The following PHACTR4 variants were observed in gnomAD, a reference collection of about 807,000 sequenced individuals.
The protein encoded by PHACTR4 is phosphatase and actin regulator 4, also known as protein phosphatase 1, regulatory subunit 124.
In PHACTR4, 51 loss-of-function variants were observed where a neutral mutation model predicts 72.7. That is an observed-to-expected ratio of 0.70 (90% confidence interval 0.56 to 0.89). The LOEUF (loss-of-function observed/expected upper bound fraction) is 0.89. Among genes scored for constraint, PHACTR4 ranks in the 40% least tolerant of loss-of-function variants. The pLI is 0.00. For synonymous variants in PHACTR4, 255 were observed against 302.5 expected (o/e 0.84, Z 1.63); for missense variants, 731 against 861.8 (o/e 0.85, Z 1.90).
At chr1:28,487,061 C>T (rs114626740) in intron 9 of PHACTR4, among the ~76,000 whole-genome samples, 34 of 151,994 alleles carry the variant, frequency 2.2e-4, no homozygotes, top group African/African-American at 7.0e-4. Flanking sequence ...TACATACATA[C>T]GTACTTTTTA....
intron 2 of PHACTR4, among the ~76,000 whole-genome samples, chr1:28,454,665 C>A (rs2124454414): frequency 6.6e-6 from 1 of 152,232 alleles, no homozygotes; most frequent in South Asian, 2.1e-4. Context: ...ATATGATTAA[C>A]CACCTTGACC....
chr1:28,382,753 T>C (rs4506483), intron 1 of PHACTR4, among the ~76,000 whole-genome samples: 13,264 of 152,154 alleles, frequency 0.087, 1,243 homozygotes, highest in African/African-American at 0.24. Flanking sequence ...CCATTTTCAA[T>C]CTTCTGCATA....
intron 1 of PHACTR4, among the ~76,000 whole-genome samples, chr1:28,399,586 T>G (rs1310677843): frequency 6.6e-6 from 1 of 152,192 alleles, no homozygotes; most frequent in African/African-American, 2.4e-5. Flanking sequence ...AGTGTTCATT[T>G]ATTTATTCAG....
chr1:28,419,583 T>TA (rs1655377431), intron 2 of PHACTR4, among the ~76,000 whole-genome samples: 1 of 151,970 alleles, frequency 6.6e-6, no homozygotes, highest in South Asian at 2.1e-4. Flanking sequence ...GCTGGGACTA[T>TA]AGGTGAGCAG....
chr1:28,397,183 G>A (rs1653578522), intron 1 of PHACTR4, among the ~76,000 whole-genome samples: 1 of 152,046 alleles, frequency 6.6e-6, no homozygotes, highest in East Asian at 1.9e-4. Context: ...GGAGTGAGGT[G>A]AGCTTTAAGA....
At chr1:28,474,458 G>T (rs1251658840) in intron 7 of PHACTR4, among the ~76,000 whole-genome samples, 1 of 143,436 alleles carries the variant, frequency 7.0e-6, no homozygotes, top group African/African-American at 2.6e-5. Flanking sequence ...GGGAGGTGGA[G>T]GTTGCAGTGA....
At chr1:28,424,710 G>A (rs1467555320) in intron 2 of PHACTR4, among the ~76,000 whole-genome samples, 7 of 151,544 alleles carry the variant, frequency 4.6e-5, no homozygotes, top group Admixed American at 3.9e-4. Flanking sequence ...GGATGGTCTC[G>A]ATATCCTGAC....
At chr1:28,386,347 G>A (rs4908416) in intron 1 of PHACTR4, among the ~76,000 whole-genome samples, 42,702 of 151,908 alleles carry the variant, frequency 0.28, 6,145 homozygotes, top group Middle Eastern at 0.34. Flanking sequence ...GCCTGCCTCG[G>A]CCTCCCAAAG....
Position 28,453,941 on chromosome 1 carries a change from C to G in PHACTR4, c.17-5144C>G, listed in dbSNP as rs77820021. On this transcript the variant is annotated intron_variant, in intron 2 of 13. Coordinates refer to ENST00000373839, the MANE Select transcript of PHACTR4 (RefSeq NM_001048183.3). ...AAAGAATACATGGAACACGGCCAGG[C>G]ACGGTGGCACACGCCCGTAATCTTA... The G allele has an allele frequency of 4.6e-3, 2,918 of 641,314 alleles. 19 individuals are homozygous for G. Among genetic ancestry groups the G allele is most frequent in the Non-Finnish European group, 7.3e-3 (2,588 of 354,764 alleles). The allele number at this position is 641,314 out of a possible 1,614,324, so 39.7% of individuals were successfully genotyped here.
intron 7 of PHACTR4, among the ~76,000 whole-genome samples, chr1:28,474,937 A>T (rs1659827819): frequency 6.9e-6 from 1 of 145,906 alleles, no homozygotes; most frequent in Non-Finnish European, 1.5e-5. Context: ...TTAAAACTTT[A>T]TTTTTATTTA....
chr1:28,412,331 G>A (rs867008360), intron 2 of PHACTR4, among the ~76,000 whole-genome samples: 18 of 152,152 alleles, frequency 1.2e-4, no homozygotes, highest in Non-Finnish European at 2.2e-4. Context: ...GAAGAAAACT[G>A]TCTAGTTCAG....
At position 28,465,675 on chromosome 1, in the gene PHACTR4, C is replaced by T; in HGVS notation, c.272-10C>T. The T allele has an allele frequency of 1.2e-6, 2 of 1,609,196 alleles. No individual in the cohort carries two copies. The highest frequency in any genetic ancestry group is 1.7e-5 in the Admixed American group (1 of 58,498). ...ACTTCATCACTTTGTACTCTTCTTT[C>T]ACCTTGCAGGTGGTGAGGATCCAGG... On this transcript the variant is annotated splice_polypyrimidine_tract_variant and intron_variant, in intron 4 of 13. Coordinates refer to ENST00000373839, the MANE Select transcript of PHACTR4 (RefSeq NM_001048183.3).
intron 9 of PHACTR4, among the ~76,000 whole-genome samples, chr1:28,483,497 T>C (rs1227275733): frequency 6.7e-6 from 1 of 150,264 alleles, no homozygotes; most frequent in East Asian, 2.0e-4. Context: ...TTTGAAAAAT[T>C]ACAAAAAAAA....
At chr1:28,484,838 C>T (rs1357271357) in intron 9 of PHACTR4, among the ~76,000 whole-genome samples, 1 of 151,856 alleles carries the variant, frequency 6.6e-6, no homozygotes, top group African/African-American at 2.4e-5. Context: ...TGGTGGCAGG[C>T]ACCTGTAGTC....
chr1:28,408,638 CTA>C (rs758423179), intron 2 of PHACTR4, among the ~76,000 whole-genome samples: 15 of 149,862 alleles, frequency 1.0e-4, no homozygotes, highest in African/African-American at 2.2e-4. Flanking sequence ...GTGTGTGTGT[CTA>C]TATATGTGTG....
chr1:28,380,291 C>T (rs967512893), intron 1 of PHACTR4, among the ~76,000 whole-genome samples: 2 of 151,490 alleles, frequency 1.3e-5, no homozygotes, highest in East Asian at 1.9e-4. Flanking sequence ...CTCCTGACCT[C>T]GTGATCCGCC....
intron 2 of PHACTR4, among the ~76,000 whole-genome samples, chr1:28,450,768 T>G (rs973105389): frequency 1.4e-4 from 21 of 151,722 alleles, no homozygotes; most frequent in Non-Finnish European, 2.6e-4. Context: ...TGCAGGTGCA[T>G]GCCACCACGC....
intron 1 of PHACTR4, among the ~76,000 whole-genome samples, chr1:28,388,121 C>T (rs1186253373): frequency 6.6e-6 from 1 of 151,824 alleles, no homozygotes; most frequent in Non-Finnish European, 1.5e-5. Context: ...AGCCAGGAGA[C>T]TGAGGATGCA....
At position 28,431,022 on chromosome 1, in the gene PHACTR4, C is replaced by G. The variant is rs573194864; in HGVS notation, c.16+23559C>G. ...GAAACCCTGTTTCTACTAAAAAATA[C>G]AAAAAAATTAGCCAGGCGTGGTGGC... On this transcript the variant is annotated intron_variant, in intron 2 of 13. Coordinates refer to ENST00000373839, the MANE Select transcript of PHACTR4 (RefSeq NM_001048183.3). Among the ~76,000 whole-genome samples the G allele has an allele frequency of 3.3e-3, 502 of 150,168 alleles. 3 individuals carry two copies. The highest frequency in any genetic ancestry group is 0.011 in the African/African-American group (459 of 40,876).
Sources: allele counts gnomAD v4.1 joint callset (sites outside exome capture counted in the v4.1 genomes callset), GRCh38; gene constraint gnomAD v4.1.1; transcripts MANE v1.5; gene names NCBI Gene and HGNC (gene_info 2026-07-23, HGNC 2026-07-21).